The following RNF216 variants were observed in gnomAD, a reference collection of about 807,000 sequenced individuals.
RNF216 encodes E3 ubiquitin-protein ligase RNF216.
RNF216 carries 72 observed loss-of-function variants against 110.8 expected under a neutral mutation model. That is an observed-to-expected ratio of 0.65 (90% CI 0.54 to 0.79). The LOEUF is 0.79. Ranked by LOEUF, RNF216 falls within the 30% of genes least tolerant of loss-of-function variation. The probability of loss-of-function intolerance (pLI) is 0.00; values close to 1 mark genes in which losing one functional copy is unlikely to be tolerated. For synonymous variants in RNF216, 495 were observed against 407.5 expected (o/e 1.21, Z -2.59); for missense variants, 1,342 against 1,141.2 (o/e 1.18, Z -2.54).
intron 13 of RNF216, among the ~76,000 whole-genome samples, chr7:5,656,120 T>G (rs757907418): frequency 1.1e-4 from 16 of 152,058 alleles, no homozygotes; most frequent in Non-Finnish European, 2.4e-4. Flanking sequence ...AATACAAAAA[T>G]TAGCCGGGCA....
intron 14 of RNF216, among the ~76,000 whole-genome samples, chr7:5,641,776 T>C (rs1787747143): frequency 6.6e-6 from 1 of 152,088 alleles, no homozygotes; most frequent in Admixed American, 6.6e-5. Flanking sequence ...GGTGCACGCC[T>C]GTAATCCCAG....
intron 10 of RNF216, 33 bp from the exon 11 acceptor site, chr7:5,715,223 C>T (rs937105546): frequency 4.4e-6 from 7 of 1,600,436 alleles, no homozygotes; most frequent in Non-Finnish European, 6.0e-6. Context: ...CATGAAATGT[C>T]CTGCACTTAA....
At chr7:5,682,486 C>A (rs190716874) in intron 13 of RNF216, among the ~76,000 whole-genome samples, 11 of 151,654 alleles carry the variant, frequency 7.3e-5, no homozygotes, top group African/African-American at 2.7e-4. Flanking sequence ...TGTCTTACTG[C>A]AACCCCTGCT....
chr7:5,771,169 AC>A (rs1431775873), intron 1 of RNF216, among the ~76,000 whole-genome samples: 4 of 152,130 alleles, frequency 2.6e-5, no homozygotes, highest in Non-Finnish European at 5.9e-5. Flanking sequence ...GGAAAACATG[AC>A]CTTTCTACTA....
chr7:5,637,090 A>G (rs1787441448), intron 15 of RNF216, among the ~76,000 whole-genome samples: 1 of 151,006 alleles, frequency 6.6e-6, no homozygotes. Context: ...GCTCCAGCTG[A>G]AAAAAAAAAT....
chr7:5,777,449 G>A (rs1181731697), intron 1 of RNF216: 1 of 152,228 alleles, frequency 6.6e-6, no homozygotes, highest in African/African-American at 2.4e-5. Flanking sequence ...ATGGCATGTA[G>A]GAGACAACCG....
In RNF216 at chr7:5,741,642, A is replaced by T. The variant is rs1239554008; in HGVS notation, c.375T>A (p.Asp125Glu). 6.2e-7 allele frequency: 1 copy of T among 1,614,052 alleles called. No individual in the cohort carries two copies. The highest frequency in any genetic ancestry group is 1.3e-5 in the African/African-American group (1 of 74,922). The change falls in exon 4 of 17, where the codon GAT becomes GAA. Residue 125 changes from aspartate (D) to glutamate (E), a missense_variant. Physicochemically the swap from Asp to Glu is conservative, Grantham distance 45 (BLOSUM62 2). Coordinates refer to ENST00000389902, the MANE Select transcript of RNF216 (RefSeq NM_207111.4). ...NNPLFDSGAQDDSEDDYGEFL... is the reference protein window; with the variant it reads ...NNPLFDSGAQEDSEDDYGEFL... ...ATTCACCGTAGTCATCCTCAGAATC[A>T]TCCTGTGCCCCAGAATCAAACAATG... is the stretch of plus-strand genomic sequence containing the variant.
At chr7:5,770,969 G>A (rs1307454113) in intron 1 of RNF216, among the ~76,000 whole-genome samples, 7 of 152,038 alleles carry the variant, frequency 4.6e-5, no homozygotes, top group East Asian at 1.9e-4. Context: ...CACCACGCCC[G>A]GCTAATTTTT....
intron 13 of RNF216, among the ~76,000 whole-genome samples, chr7:5,676,211 C>G (rs552221324): frequency 3.7e-4 from 56 of 151,680 alleles, no homozygotes; most frequent in Middle Eastern, 6.8e-3. Flanking sequence ...AGGGTTTTGC[C>G]ATGTTGGTCA....
In RNF216 at chr7:5,696,560, C is replaced by T. The variant is rs762022660; in HGVS notation, c.2061+15201G>A. Among the ~76,000 whole-genome samples the T allele has an allele frequency of 4.6e-5, 7 of 152,174 alleles. No individual in the cohort carries two copies. Among genetic ancestry groups the T allele is most frequent in the Non-Finnish European group, 1.0e-4 (7 of 68,020 alleles). On this transcript the variant is annotated intron_variant, in intron 13 of 16. Transcript: ENST00000389902. This position sits in a 1 kb window ranked among gnomAD's most constrained non-coding sequence, Gnocchi z 5.4. Reference sequence around the variant, plus strand: ...GAGCAGGCCGGGGCAGCCTCCTAGACACGCGTGCCCAAGATCGTGTCCTAT... The same window carrying T: ...GAGCAGGCCGGGGCAGCCTCCTAGATACGCGTGCCCAAGATCGTGTCCTAT...
chr7:5,738,934 G>C (rs1315746387), intron 5 of RNF216, among the ~76,000 whole-genome samples: 1 of 152,036 alleles, frequency 6.6e-6, no homozygotes, highest in Non-Finnish European at 1.5e-5. Context: ...AACGAACAAG[G>C]TCATTAAAAA....
chr7:5,740,824 GTC>G, intron 4 of RNF216, 147 bp downstream of exon 4: 2 of 669,122 alleles, frequency 3.0e-6, no homozygotes, highest in South Asian at 5.9e-5. Context: ...TCTTCAGAGT[GTC>G]TCTTCTATTC....
intron 14 of RNF216, among the ~76,000 whole-genome samples, chr7:5,649,487 T>A (rs852525): frequency 6.6e-6 from 1 of 152,026 alleles, no homozygotes. Flanking sequence ...CCAGCCTGGA[T>A]GACAGAATAA....
At chr7:5,697,795 C>T (rs1024276577) in intron 13 of RNF216, among the ~76,000 whole-genome samples, 5 of 152,178 alleles carry the variant, frequency 3.3e-5, no homozygotes, top group African/African-American at 1.2e-4. Flanking sequence ...GTAGTAGGTG[C>T]TGGCCTTGAG....
chr7:5,740,972 C>A lies in RNF216; in HGVS notation c.1044+1G>T. The A allele has an allele frequency of 6.3e-7, 1 of 1,585,336 alleles. No homozygotes were observed. The highest frequency in any genetic ancestry group is 8.5e-7 in the Non-Finnish European group (1 of 1,169,836). On this transcript the variant is annotated splice_donor_variant, in intron 4 of 16. Transcript: ENST00000389902. LOFTEE classifies it high-confidence loss of function. ...CATTTACTTGATAAAATAAAACTTA[C>A]CGTTTCTTTCACTAGTAGTTCAACG...
At chr7:5,710,652 T>C (rs1371395553) in intron 13 of RNF216, among the ~76,000 whole-genome samples, 1 of 152,246 alleles carries the variant, frequency 6.6e-6, no homozygotes, top group Non-Finnish European at 1.5e-5. Flanking sequence ...ACTCAGCTTA[T>C]GAGCCTCCTT....
At chr7:5,762,809 TGAG>T (rs1279911055) in intron 1 of RNF216, among the ~76,000 whole-genome samples, 1 of 152,222 alleles carries the variant, frequency 6.6e-6, no homozygotes, top group Non-Finnish European at 1.5e-5. Context: ...AACTTGAACT[TGAG>T]TTACATATAA....
chr7:5,715,304 C>A, intron 10 of RNF216, 114 bp from the exon 11 acceptor site: 1 of 1,009,716 alleles, frequency 9.9e-7, no homozygotes, highest in Non-Finnish European at 1.5e-6. Flanking sequence ...GGTAAAGCAA[C>A]CCATTTTAGG....
At chr7:5,743,050 C>G (rs189704580) in intron 3 of RNF216, among the ~76,000 whole-genome samples, 2,907 of 152,230 alleles carry the variant, frequency 0.019, 42 homozygotes, top group Non-Finnish European at 0.03. Flanking sequence ...ATCACGAGGT[C>G]AGGAGATCGA....
Sources: gnomAD v4.1 joint callset for allele counts (sites outside exome capture counted in the v4.1 genomes callset) on GRCh38, gnomAD v4.1.1 for gene constraint, Gnocchi (gnomAD v3.1) non-coding constraint, MANE v1.5 for transcripts, NCBI Gene and HGNC (gene_info 2026-07-23, HGNC 2026-07-21) for gene names.